The following CLEC17A variants were observed in gnomAD, a reference collection of about 807,000 sequenced individuals.
The protein encoded by CLEC17A is C-type lectin domain family 17, member A.
A neutral mutation model predicts 61.3 loss-of-function variants in CLEC17A; 37 were observed. The observed-to-expected ratio is 0.60, with a 90% CI of 0.46 to 0.79. The LOEUF is 0.79. Ranked by LOEUF, CLEC17A falls within the 30% of genes least tolerant of loss-of-function variation. The probability of loss-of-function intolerance (pLI) is 0.00; values close to 1 mark genes in which losing one functional copy is unlikely to be tolerated. For missense variants in CLEC17A, 418 were observed against 464.7 expected (o/e 0.90, Z 0.92); for synonymous variants, 168 against 164.9 (o/e 1.02, Z -0.14).
intron 13 of CLEC17A, among the ~76,000 whole-genome samples, chr19:14,609,817 G>A (rs1033880119): frequency 3.3e-5 from 5 of 151,136 alleles, no homozygotes; most frequent in African/African-American, 9.7e-5. Flanking sequence ...CAGCCTCAGC[G>A]ACAGAGTGAG....
At chr19:14,591,216 G>A (rs2074406968) in intron 3 of CLEC17A, among the ~76,000 whole-genome samples, 2 of 151,106 alleles carry the variant, frequency 1.3e-5, no homozygotes, top group South Asian at 2.1e-4. Context: ...GTGCAGTGGC[G>A]CGATCTCGGC....
chr19:14,606,175 A>T (rs1476046172), intron 12 of CLEC17A, among the ~76,000 whole-genome samples: 1 of 152,106 alleles, frequency 6.6e-6, no homozygotes, highest in African/African-American at 2.4e-5. Flanking sequence ...AAACCAAAAA[A>T]AATCAGTTAC....
chr19:14,583,193 G>T lies in CLEC17A; in HGVS notation c.33G>T (p.Pro11=), dbSNP rs779085175. 1 of 1,613,916 alleles carries T rather than the reference G, an allele frequency of 6.2e-7. No individual in the cohort carries two copies. The highest frequency in any genetic ancestry group is 1.7e-5 in the Admixed American group (1 of 60,004). Residue 11 remains proline (P), a synonymous_variant, in exon 1 of 14, where the codon CCG becomes CCT. Coordinates refer to ENST00000417570, the MANE Select transcript of CLEC17A (RefSeq NM_001204118.2). ...ATCTGTATTCCATCACTGGGTACCCGGACCCACCAGGTAAGGCCCCGGCCA... is the reference window on the plus strand; with the variant it reads ...ATCTGTATTCCATCACTGGGTACCCTGACCCACCAGGTAAGGCCCCGGCCA... MHNLYSITGY[P]DPPGTMEEEE...
chr19:14,599,786 C>T lies in CLEC17A; in HGVS notation c.716C>T (p.Ser239Phe). ...CGTGTAAGAGCTGACACCAACCAGTCCCTGGTGGAACTTTGGGGCTTATTA... is the reference window on the plus strand; with the variant it reads ...CGTGTAAGAGCTGACACCAACCAGTTCCTGGTGGAACTTTGGGGCTTATTA... ...IARVRADTNQ[S>F]LVELWGLLDC... Residue 239 changes from serine (S) to phenylalanine (F), a missense_variant, in exon 11 of 14, where the codon TCC becomes TTC. Transcript: ENST00000417570. 1 of 1,613,742 alleles carries T rather than the reference C, an allele frequency of 6.2e-7. No homozygotes were observed. The highest frequency in any genetic ancestry group is 8.5e-7 in the Non-Finnish European group (1 of 1,179,738).
intron 2 of CLEC17A, among the ~76,000 whole-genome samples, chr19:14,587,028 A>C (rs1408812169): frequency 6.6e-6 from 1 of 151,468 alleles, no homozygotes; most frequent in Admixed American, 6.6e-5. Flanking sequence ...AGCTGGGATT[A>C]CAGGCAGGCA....
chr19:14,589,708 T>C (rs77655356), intron 3 of CLEC17A, among the ~76,000 whole-genome samples: 46 of 151,532 alleles, frequency 3.0e-4, no homozygotes, highest in South Asian at 2.3e-3. Flanking sequence ...CCCTGTGACC[T>C]TTACGTTCTC....
chr19:14,587,399 C>T (rs564072292), intron 2 of CLEC17A, among the ~76,000 whole-genome samples: 3 of 152,244 alleles, frequency 2.0e-5, no homozygotes, highest in African/African-American at 7.2e-5. Flanking sequence ...TTGTCATGTT[C>T]CTGGTGTTAG....
chr19:14,601,173 G>C lies in CLEC17A; in HGVS notation c.894+991G>C, dbSNP rs1359093371. On this transcript the variant is annotated intron_variant, in intron 12 of 13. Transcript: ENST00000417570. Reference sequence around the variant, plus strand: ...CCACCTCTGCCTCCCAAAGTGCGGGGATTATAGGTGTGAGCCACCACGCTG... The same window carrying C: ...CCACCTCTGCCTCCCAAAGTGCGGGCATTATAGGTGTGAGCCACCACGCTG... Among the ~76,000 whole-genome samples, 4 of 152,042 alleles carry C rather than the reference G, an allele frequency of 2.6e-5. No individual in the cohort carries two copies. In the East Asian group the frequency reaches 7.7e-4, roughly 29 times the overall value.
chr19:14,600,840 C>T (rs1266491144), intron 12 of CLEC17A, among the ~76,000 whole-genome samples: 3 of 150,152 alleles, frequency 2.0e-5, no homozygotes, highest in East Asian at 2.0e-4. Context: ...CTGCCCGCCT[C>T]GGCCTCCCAA....
At chr19:14,602,741 GTT>G (rs898066900) in intron 12 of CLEC17A, among the ~76,000 whole-genome samples, 7 of 145,190 alleles carry the variant, frequency 4.8e-5, no homozygotes, top group Admixed American at 2.8e-4. Context: ...TAGTTAAACA[GTT>G]TTTTTTTTTT....
chr19:14,584,989 A>C, intron 2 of CLEC17A, among the ~76,000 whole-genome samples: 1 of 148,934 alleles, frequency 6.7e-6, no homozygotes. Context: ...TCCCAACACC[A>C]ATTCTAATCC....
At chr19:14,604,349 T>C (rs530726822) in intron 12 of CLEC17A, among the ~76,000 whole-genome samples, 3 of 152,308 alleles carry the variant, frequency 2.0e-5, no homozygotes, top group East Asian at 3.9e-4. Context: ...CTTCCCATGG[T>C]GACTTTACCT....
chr19:14,590,525 T>C (rs1024997056), intron 3 of CLEC17A, among the ~76,000 whole-genome samples: 9 of 152,026 alleles, frequency 5.9e-5, no homozygotes, highest in African/African-American at 2.2e-4. Context: ...GGCAGCGGGA[T>C]TACAGGCATG....
At position 14,600,471 on chromosome 19, in the gene CLEC17A, T is replaced by C. The variant is rs149118117; in HGVS notation, c.894+289T>C. On this transcript the variant is annotated intron_variant, in intron 12 of 13. Coordinates refer to ENST00000417570, the MANE Select transcript of CLEC17A (RefSeq NM_001204118.2). The stretch of plus-strand genomic sequence containing the variant: ...AATTAATATCTGTTAGGTAGCACTT[T>C]TTATGTTTCAGGTTGCATTCCAAAT... Among the ~76,000 whole-genome samples, 8 of 152,364 alleles carry C rather than the reference T, an allele frequency of 5.3e-5. No individual in the cohort carries two copies. The East Asian group carries it at 1.5e-3, about 29-fold the overall frequency.
At chr19:14,586,879 C>A (rs1224135400) in intron 2 of CLEC17A, among the ~76,000 whole-genome samples, 1 of 146,184 alleles carries the variant, frequency 6.8e-6, no homozygotes, top group East Asian at 2.0e-4. Context: ...TCTTCTTTTT[C>A]TTTCTTTCTT....
At chr19:14,609,295 T>C (rs2074988607) in intron 13 of CLEC17A, among the ~76,000 whole-genome samples, 1 of 152,176 alleles carries the variant, frequency 6.6e-6, no homozygotes, top group Non-Finnish European at 1.5e-5. Context: ...GTGGTCTCTG[T>C]TGGGGTCAGG....
At chr19:14,607,491 C>G (rs919836852) in intron 13 of CLEC17A, among the ~76,000 whole-genome samples, 5 of 151,686 alleles carry the variant, frequency 3.3e-5, no homozygotes, top group Admixed American at 2.6e-4. Flanking sequence ...GCGTGAGCCA[C>G]CGCGCCCGGC....
chr19:14,604,335 T>C (rs563561241), intron 12 of CLEC17A, among the ~76,000 whole-genome samples: 1 of 152,296 alleles, frequency 6.6e-6, no homozygotes, highest in South Asian at 2.1e-4. Context: ...ACATTTATTA[T>C]TTCCTTCCCA....
intron 2 of CLEC17A, 95 bp from the exon 3 acceptor site, chr19:14,587,519 A>C: frequency 7.3e-7 from 1 of 1,367,492 alleles, no homozygotes; most frequent in Non-Finnish European, 1.0e-6. Context: ...CAGGGTACAG[A>C]ATCCCCATCA....
Sources: gnomAD v4.1 joint callset for allele counts (sites outside exome capture counted in the v4.1 genomes callset) on GRCh38, gnomAD v4.1.1 for gene constraint, MANE v1.5 for transcripts, NCBI Gene and HGNC (gene_info 2026-07-23, HGNC 2026-07-21) for gene names.